The following SUPT3H variants were observed in gnomAD, a reference collection of about 807,000 sequenced individuals.
SUPT3H encodes the protein transcription initiation protein SPT3 homolog.
Under a neutral mutation model 44.3 loss-of-function variants are expected in SUPT3H, and 44 were observed. That is an observed-to-expected ratio of 0.99 (90% CI 0.78 to 1.28). The LOEUF is 1.28. Ranked by LOEUF, SUPT3H falls within the 50% of genes most tolerant of loss-of-function variation. The probability of loss-of-function intolerance (pLI) is 0.00; values close to 1 mark genes in which losing one functional copy is unlikely to be tolerated. For missense variants in SUPT3H, 380 were observed against 387.1 expected, an observed-to-expected ratio of 0.98 and a Z score of 0.15; for synonymous variants, 124 against 125.6, an observed-to-expected ratio of 0.99 and a Z score of 0.09.
chr6:44,975,017 A>G (rs559305136), intron 6 of SUPT3H, among the ~76,000 whole-genome samples: 7 of 152,178 alleles, frequency 4.6e-5, no homozygotes, highest in Admixed American at 3.9e-4. Flanking sequence ...CTAAAAATAC[A>G]AAAATTAGCT....
At chr6:45,025,862 G>A (rs1205734786) in intron 3 of SUPT3H, among the ~76,000 whole-genome samples, 1 of 137,458 alleles carries the variant, frequency 7.3e-6, no homozygotes, top group African/African-American at 2.8e-5. Flanking sequence ...TCGCCTGGAT[G>A]ACAGAGCGAG....
In SUPT3H at chr6:44,852,215, A is replaced by T. The variant is rs1773012578; in HGVS notation, c.913-22358T>A. Among the ~76,000 whole-genome samples, 5 of 152,184 alleles carry T rather than the reference A, an allele frequency of 3.3e-5. No homozygotes were observed. In the South Asian group the frequency reaches 1.0e-3, roughly 32 times the overall value. On this transcript the variant is annotated intron_variant, in intron 10 of 10. Transcript: ENST00000371459. ...TTAGGCAAATGGGCACCTGAGGAAA[A>T]GTAATTATAGGTGGCACTAGTCACC...
intron 9 of SUPT3H, among the ~76,000 whole-genome samples, chr6:44,935,233 C>G (rs1248547718): frequency 6.6e-6 from 1 of 151,868 alleles, no homozygotes; most frequent in Non-Finnish European, 1.5e-5. Flanking sequence ...AGTCCTTTAT[C>G]AAGGTGCTAA....
At chr6:45,103,650 A>G (rs55884652) in intron 3 of SUPT3H, among the ~76,000 whole-genome samples, 3,874 of 152,284 alleles carry the variant, frequency 0.025, 96 homozygotes, top group South Asian at 0.085. Flanking sequence ...AAGGGGCAGA[A>G]AAAGTTTGGA....
chr6:45,061,434 G>C (rs1792009457), intron 3 of SUPT3H, among the ~76,000 whole-genome samples: 1 of 152,126 alleles, frequency 6.6e-6, no homozygotes, highest in South Asian at 2.1e-4. Flanking sequence ...CAACACATGG[G>C]GCCTTTTAGA....
intron 6 of SUPT3H, among the ~76,000 whole-genome samples, chr6:44,976,626 G>C (rs906430900): frequency 1.1e-4 from 16 of 152,112 alleles, no homozygotes; most frequent in African/African-American, 3.6e-4. Flanking sequence ...GCCTCCCAAA[G>C]TGCTAGGATT....
At chr6:45,274,554 TC>T (rs1278545076) in intron 2 of SUPT3H, among the ~76,000 whole-genome samples, 1 of 152,200 alleles carries the variant, frequency 6.6e-6, no homozygotes, top group Non-Finnish European at 1.5e-5. Flanking sequence ...AGCTATTCTT[TC>T]CCTTTTGAAT....
At chr6:45,001,429 C>G (rs1351421732) in intron 6 of SUPT3H, among the ~76,000 whole-genome samples, 1 of 151,930 alleles carries the variant, frequency 6.6e-6, no homozygotes, top group East Asian at 1.9e-4. Flanking sequence ...ACTAGTAAGG[C>G]AAAATGGATG....
intron 2 of SUPT3H, among the ~76,000 whole-genome samples, chr6:45,281,469 T>G (rs1325157745): frequency 6.6e-6 from 1 of 152,218 alleles, no homozygotes; most frequent in Non-Finnish European, 1.5e-5. Context: ...CAGAGGGTCC[T>G]GTGCCCACAA....
chr6:45,002,474 A>G (rs952386238), intron 6 of SUPT3H, among the ~76,000 whole-genome samples: 10 of 152,032 alleles, frequency 6.6e-5, no homozygotes, highest in African/African-American at 2.4e-4. Flanking sequence ...TTATAATATA[A>G]AAATATTTAA....
intron 3 of SUPT3H, among the ~76,000 whole-genome samples, chr6:45,023,232 C>T (rs1279217255): frequency 1.3e-5 from 2 of 150,408 alleles, no homozygotes; most frequent in Non-Finnish European, 3.0e-5. Flanking sequence ...TACCATCTTA[C>T]AGCAGTCAGA....
At chr6:45,038,844 T>C (rs1395246580) in intron 3 of SUPT3H, among the ~76,000 whole-genome samples, 5 of 152,166 alleles carry the variant, frequency 3.3e-5, no homozygotes, top group African/African-American at 1.2e-4. Flanking sequence ...ATTTGGCAAT[T>C]CATTAAATTA....
intron 2 of SUPT3H, among the ~76,000 whole-genome samples, chr6:45,260,749 G>C (rs1002011201): frequency 1.3e-5 from 2 of 152,018 alleles, no homozygotes; most frequent in Admixed American, 1.3e-4. Context: ...ATCCTTACAC[G>C]AATTGCCTAT....
chr6:44,860,818 T>C (rs1774527705), intron 10 of SUPT3H, among the ~76,000 whole-genome samples: 1 of 152,250 alleles, frequency 6.6e-6, no homozygotes, highest in African/African-American at 2.4e-5. Flanking sequence ...AAAAAAAGTC[T>C]GCATTAATAA....
chr6:45,194,515 G>T (rs539391046), intron 2 of SUPT3H, among the ~76,000 whole-genome samples: 2 of 152,098 alleles, frequency 1.3e-5, no homozygotes, highest in Non-Finnish European at 2.9e-5. Context: ...AAAAAGAGCA[G>T]AGTAAAATTA....
intron 2 of SUPT3H, among the ~76,000 whole-genome samples, chr6:45,112,962 CTTT>C (rs11330704): frequency 2.2e-5 from 3 of 138,390 alleles, no homozygotes; most frequent in African/African-American, 2.7e-5. Context: ...GAGCTAGTCA[CTTT>C]TTTTTTTTTT....
At chr6:45,151,709 A>C (rs1198329455) in intron 2 of SUPT3H, among the ~76,000 whole-genome samples, 5 of 152,188 alleles carry the variant, frequency 3.3e-5, no homozygotes, top group African/African-American at 1.2e-4. Flanking sequence ...TTTCTAAATC[A>C]AAGTATTTTT....
rs376502317 is a variant in SUPT3H, at chr6:45,003,894, G to T, written c.365-102C>A. ...AATATAGTATACCAAATTCAGAATTGGGATTCTCTGAAAATAATCTTTTAA... is the reference window on the plus strand; with the variant it reads ...AATATAGTATACCAAATTCAGAATTTGGATTCTCTGAAAATAATCTTTTAA... On this transcript the variant is annotated intron_variant, in intron 5 of 10. Transcript: ENST00000371459. The T allele has an allele frequency of 1.5e-5, 19 of 1,250,776 alleles. No individual in the cohort carries two copies. The African/African-American group carries it at 1.7e-4, about 11-fold the overall frequency. The allele number at this position is 1,250,776 out of a possible 1,614,324, so 77.5% of individuals were successfully genotyped here.
chr6:45,029,841 T>C (rs1786640863), intron 3 of SUPT3H, among the ~76,000 whole-genome samples: 1 of 152,242 alleles, frequency 6.6e-6, no homozygotes, highest in South Asian at 2.1e-4. Flanking sequence ...CTTGGCTCAC[T>C]GCAGCCTCAA....
Sources: gnomAD v4.1 joint callset for allele counts (sites outside exome capture counted in the v4.1 genomes callset) on GRCh38, gnomAD v4.1.1 for gene constraint, MANE v1.5 for transcripts, NCBI Gene and HGNC (gene_info 2026-07-23, HGNC 2026-07-21) for gene names.